The following PPT1 variants were observed in gnomAD, a reference collection of about 807,000 sequenced individuals.
PPT1 encodes the protein ceroid-palmitoyl-palmitoyl-protein thioesterase 1.
PPT1 carries 24 observed loss-of-function variants against 44.0 expected under a neutral mutation model. The observed-to-expected ratio is 0.54, with a 90% CI of 0.39 to 0.77. The LOEUF is 0.77. Ranked by LOEUF, PPT1 falls within the 30% of genes least tolerant of loss-of-function variation. PPT1 has a pLI of 0.00. For missense variants in PPT1, 341 were observed against 378.8 expected (o/e 0.90, Z 0.83); for synonymous variants, 148 against 140.2 (o/e 1.06, Z -0.39).
intron 4 of PPT1, among the ~76,000 whole-genome samples, chr1:40,090,548 T>C (rs917991711): frequency 6.6e-6 from 1 of 152,188 alleles, no homozygotes; most frequent in South Asian, 2.1e-4. Flanking sequence ...TGGCATATAA[T>C]AGGTTTTCAA....
intron 5 of PPT1, among the ~76,000 whole-genome samples, chr1:40,084,876 A>G (rs1356273877): frequency 6.6e-6 from 1 of 152,256 alleles, no homozygotes; most frequent in Non-Finnish European, 1.5e-5. Context: ...CAGGGCCACT[A>G]GAGGGCTCCT....
chr1:40,072,361 C>G, downstream of PPT1: 1 of 314,296 alleles, frequency 3.2e-6, no homozygotes, highest in Non-Finnish European at 5.8e-6. Context: ...TTTTCCCTGT[C>G]ATGCTCATCA....
chr1:40,074,132 C>T lies in PPT1; in HGVS notation c.850G>A (p.Ala284Thr). 1 of 1,614,152 alleles carries T rather than the reference C, an allele frequency of 6.2e-7. No individual in the cohort carries two copies. Among genetic ancestry groups the T allele is most frequent in the Non-Finnish European group, 8.5e-7 (1 of 1,180,002 alleles). The change falls in exon 9 of 9, where the codon GCT becomes ACT. Residue 284 changes from alanine to threonine, a missense_variant. By Grantham distance (58) the Ala-to-Thr change is moderately conservative. Transcript: ENST00000642050. ...MDNAGQLVFL[A>T]TEGDHLQLSE... is the part of the protein sequence containing the mutation. ...AACTGAAGATGGTCCCCTTCTGTAG[C>T]CAGAAACACTAGCTGTCCTGCATTG...
chr1:40,095,031 C>T (rs1649773347), intron 1 of PPT1, among the ~76,000 whole-genome samples: 2 of 152,214 alleles, frequency 1.3e-5, no homozygotes, highest in Non-Finnish European at 2.9e-5. Flanking sequence ...AAAGATCTCA[C>T]TATCACGACT....
At chr1:40,079,923 CAAAACA>C (rs1648833968) in intron 6 of PPT1, among the ~76,000 whole-genome samples, 1 of 152,050 alleles carries the variant, frequency 6.6e-6, no homozygotes, top group Non-Finnish European at 1.5e-5. Context: ...CAAACTGTTT[CAAAACA>C]AAAAACCAAA....
At chr1:40,091,036 T>C (rs1649535494) in intron 4 of PPT1, among the ~76,000 whole-genome samples, 1 of 152,204 alleles carries the variant, frequency 6.6e-6, no homozygotes, top group African/African-American at 2.4e-5. Context: ...GTCACTCAAT[T>C]TTCCTAACTC....
chr1:40,079,081 G>C (rs1257276546), intron 6 of PPT1, among the ~76,000 whole-genome samples: 1 of 152,110 alleles, frequency 6.6e-6, no homozygotes, highest in Non-Finnish European at 1.5e-5. Context: ...ACTTATAAGT[G>C]AGAACATGTG....
At chr1:40,091,991 A>G in intron 3 of PPT1, 54 bp downstream of exon 3, 1 of 1,605,380 alleles carries the variant, frequency 6.2e-7, no homozygotes, top group Admixed American at 1.7e-5. Context: ...TCTGAATAAA[A>G]GAAACAAAAA....
Position 40,081,972 on chromosome 1 carries a change from G to C in PPT1, c.537-1485C>G, listed in dbSNP as rs186151297. On this transcript the variant is annotated intron_variant, in intron 5 of 8. Transcript: ENST00000642050. ...TGATATAGACAATAAGGTCCAGGCT[G>C]AGGTAGTCTCAGATGGAGATGAGGA... Among the ~76,000 whole-genome samples, 15 of 152,310 alleles carry C rather than the reference G, an allele frequency of 9.8e-5. No individual in the cohort carries two copies. In the East Asian group the frequency reaches 2.9e-3, roughly 29 times the overall value.
intron 3 of PPT1, 71 bp downstream of exon 3, chr1:40,091,974 G>A: frequency 2.5e-6 from 4 of 1,570,650 alleles, no homozygotes; most frequent in South Asian, 1.1e-5. Flanking sequence ...TTGGAGGAGT[G>A]GATTTATCTG....
chr1:40,088,167 G>T (rs561601288), intron 5 of PPT1, among the ~76,000 whole-genome samples: 6 of 147,230 alleles, frequency 4.1e-5, no homozygotes, highest in African/African-American at 1.5e-4. Context: ...TTTTTGAGAC[G>T]GAGTCTCCCT....
At chr1:40,096,613 C>T (rs914459122) in intron 1 of PPT1, among the ~76,000 whole-genome samples, 1 of 151,672 alleles carries the variant, frequency 6.6e-6, no homozygotes, top group Non-Finnish European at 1.5e-5. Context: ...ACACTTGGGT[C>T]CCACCCCCCA....
At chr1:40,078,388 G>A (rs1216588242) in intron 7 of PPT1, among the ~76,000 whole-genome samples, 172 bp downstream of exon 7, 2 of 152,158 alleles carry the variant, frequency 1.3e-5, no homozygotes, top group African/African-American at 2.4e-5. Context: ...TTTGAGTAGC[G>A]ATGGGGTTTC....
rs2124486809 is a variant in PPT1, at chr1:40,091,351, G to A, written c.411C>T (p.Ile137=). Residue 137 remains isoleucine, a synonymous_variant, in exon 4 of 9, where the codon ATC becomes ATT. Transcript: ENST00000642050. ...RCPSPPMINL[I]SVGGQHQGVF... ...TACCTTGATGTTGTCCCCCAACCGA[G>A]ATCAGATTGATCATGGGAGGTGAAG... The A allele has an allele frequency of 6.2e-7, 1 of 1,614,044 alleles. No homozygotes were observed. Among genetic ancestry groups the A allele is most frequent in the South Asian group, 1.1e-5 (1 of 91,074 alleles).
At position 40,094,134 on chromosome 1, in the gene PPT1, A is replaced by G. The variant is rs1649721967; in HGVS notation, c.125-1627T>C. Reference sequence around the variant, plus strand: ...CCTATCACAGGGGATATTTGGGGTGAACAGATGCAAAGTTTTCTCTTCAGG... The same window carrying G: ...CCTATCACAGGGGATATTTGGGGTGGACAGATGCAAAGTTTTCTCTTCAGG... On this transcript the variant is annotated intron_variant, in intron 1 of 8. Transcript: ENST00000642050. The G allele has an allele frequency of 1.9e-5, 11 of 566,132 alleles. No individual in the cohort carries two copies. The East Asian group carries it at 2.9e-4, about 15-fold the overall frequency. 35.1% of individuals were successfully genotyped at this position (566,132 alleles called of 1,614,324 possible).
rs1031494186 is a variant in PPT1, at chr1:40,074,109, C to T, written c.873G>A (p.Gln291=). 15 of 1,614,180 alleles carry T rather than the reference C, an allele frequency of 9.3e-6. No individual in the cohort carries two copies. The highest frequency in any genetic ancestry group is 1.3e-5 in the Non-Finnish European group (15 of 1,180,006). Residue 291 remains glutamine (Q), a synonymous_variant, in exon 9 of 9, where the codon CAG becomes CAA. Transcript: ENST00000642050. ...VFLATEGDHL[Q]LSEEWFYAHI... ...GGGCATAAAACCATTCTTCAGACAA[C>T]TGAAGATGGTCCCCTTCTGTAGCCA...
At position 40,088,576 on chromosome 1, in the gene PPT1, A is replaced by T. The variant is rs554000057; in HGVS notation, c.536+834T>A. Among the ~76,000 whole-genome samples, 494 of 151,448 alleles carry T rather than the reference A, an allele frequency of 3.3e-3. 2 individuals carry two copies. The highest frequency in any genetic ancestry group is 0.011 in the African/African-American group (475 of 41,356). On this transcript the variant is annotated intron_variant, in intron 5 of 8. Coordinates refer to ENST00000642050, the MANE Select transcript of PPT1 (RefSeq NM_000310.4). ...GTAATTCTGCATCTTTTTTTTTTTA[A>T]AAATAGATTTTAACAGAGACAGGGG...
chr1:40,080,633 T>C, intron 5 of PPT1, 146 bp from the exon 6 acceptor site: 1 of 739,888 alleles, frequency 1.4e-6, no homozygotes, highest in Admixed American at 2.1e-5. Context: ...CCCAGCACTT[T>C]GGGAGGCTGA....
intron 5 of PPT1, among the ~76,000 whole-genome samples, chr1:40,081,745 T>C (rs1648955275): frequency 6.6e-6 from 1 of 151,972 alleles, no homozygotes; most frequent in Admixed American, 6.6e-5. Context: ...ATCGGTAGCA[T>C]GAAAACAGAC....
Sources: gnomAD v4.1 joint callset for allele counts (sites outside exome capture counted in the v4.1 genomes callset) on GRCh38, gnomAD v4.1.1 for gene constraint, MANE v1.5 for transcripts, NCBI Gene and HGNC (gene_info 2026-07-23, HGNC 2026-07-21) for gene names.